The following ST6GAL1 variants were observed in gnomAD, a reference collection of about 807,000 sequenced individuals.
ST6GAL1 encodes the protein ST6 beta-galactoside alpha-2,6-sialyltransferase 1.
ST6GAL1 carries 20 observed loss-of-function variants against 38.0 expected under a neutral mutation model. That is an observed-to-expected ratio of 0.53 (90% confidence interval 0.37 to 0.77). The LOEUF (loss-of-function observed/expected upper bound fraction) is 0.77. ST6GAL1 is among the 30% of genes least tolerant of loss of function. ST6GAL1 has a pLI of 0.00. For missense variants in ST6GAL1, 432 were observed against 496.4 expected, an observed-to-expected ratio of 0.87 and a Z score of 1.23; for synonymous variants, 196 against 188.2, an observed-to-expected ratio of 1.04 and a Z score of -0.34.
intron 1 of ST6GAL1, among the ~76,000 whole-genome samples, chr3:186,934,467 CAGG>C (rs1713868902): frequency 6.6e-6 from 1 of 152,080 alleles, no homozygotes; most frequent in Non-Finnish European, 1.5e-5. Context: ...GAGGCTGAGA[CAGG>C]AGAATCGCTG....
chr3:187,077,498 A>C lies in ST6GAL1; in HGVS notation c.*1695A>C, dbSNP rs1231584249. On this transcript the variant is annotated 3_prime_UTR_variant, in exon 8 of 8. Coordinates refer to ENST00000169298, the MANE Select transcript of ST6GAL1 (RefSeq NM_173216.2). ...TCATTTACTGCCAAACCCTCAGCTT[A>C]TGTAGCTAGAAAGGGCCCTGGAGTG... 6.6e-6 allele frequency: 1 copy of C among 152,498 alleles called. No individual in the cohort carries two copies. Among genetic ancestry groups the C allele is most frequent in the Non-Finnish European group, 1.5e-5 (1 of 68,270 alleles). The allele number at this position is 152,498 out of a possible 1,614,324, so 9.4% of individuals were successfully genotyped here. A position where few individuals can be genotyped will look rare whatever the true frequency, so the allele number is the denominator to read the frequency against.
chr3:187,033,273 G>A (rs1206303274), intron 2 of ST6GAL1, among the ~76,000 whole-genome samples: 1 of 152,158 alleles, frequency 6.6e-6, no homozygotes, highest in African/African-American at 2.4e-5. Context: ...TTAGCTGGGC[G>A]TGGTGGCCGG....
intron 2 of ST6GAL1, among the ~76,000 whole-genome samples, chr3:187,011,224 A>C (rs4686833): frequency 0.74 from 111,514 of 151,606 alleles, 41,439 homozygotes; most frequent in South Asian, 0.84. Context: ...GTCTCGAACT[A>C]CTGACCTCAA....
intron 5 of ST6GAL1, among the ~76,000 whole-genome samples, chr3:187,052,274 A>G (rs115171843): frequency 5.5e-4 from 83 of 152,192 alleles, no homozygotes; most frequent in African/African-American, 1.9e-3. Context: ...CCCACTTTCT[A>G]TTTGAAGCCC....
intron 2 of ST6GAL1, among the ~76,000 whole-genome samples, chr3:187,005,233 G>A (rs538960046): frequency 3.6e-4 from 54 of 149,686 alleles, no homozygotes; most frequent in African/African-American, 1.3e-3. Context: ...GGTCTGTGGG[G>A]TTCATTATCT....
chr3:186,935,082 T>G (rs1252059873), intron 1 of ST6GAL1, among the ~76,000 whole-genome samples: 1 of 152,170 alleles, frequency 6.6e-6, no homozygotes, highest in South Asian at 2.1e-4. Flanking sequence ...GGGGGTTTGG[T>G]GTACAGAGTA....
chr3:187,016,824 T>C (rs1717131362), intron 2 of ST6GAL1, among the ~76,000 whole-genome samples: 1 of 152,146 alleles, frequency 6.6e-6, no homozygotes, highest in African/African-American at 2.4e-5. Context: ...GCCCAAGAGA[T>C]TGAGCTGCAG....
chr3:187,022,478 G>C (rs2108566083), intron 2 of ST6GAL1, among the ~76,000 whole-genome samples: 1 of 152,268 alleles, frequency 6.6e-6, no homozygotes, highest in African/African-American at 2.4e-5. Context: ...GAAGTCAGTA[G>C]GAAGGAATGC....
chr3:187,050,464 G>T (rs1356164563), intron 4 of ST6GAL1, among the ~76,000 whole-genome samples: 2 of 151,506 alleles, frequency 1.3e-5, no homozygotes, highest in Non-Finnish European at 2.9e-5. Context: ...GAAGCTTTTA[G>T]GTTTTTCAAG....
Position 187,043,075 on chromosome 3 carries a change from G to C in ST6GAL1, c.372G>C (p.Val124=). 1.2e-6 allele frequency: 2 copies of C among 1,614,212 alleles called. No individual in the cohort carries two copies. Among genetic ancestry groups the C allele is most frequent in the South Asian group, 2.2e-5 (2 of 91,088 alleles). ...KNYLSMNKYK[V]SYKGPGPGIK... is the part of the protein sequence containing the mutation. ...ACCTAAGCATGAACAAGTACAAAGT[G>C]TCCTACAAGGGGCCAGGACCAGGCA... Residue 124 remains valine, a synonymous_variant, in exon 4 of 8, where the codon GTG becomes GTC. Transcript: ENST00000169298.
intron 5 of ST6GAL1, among the ~76,000 whole-genome samples, chr3:187,068,341 CAAAA>C (rs112868643): frequency 1.0e-4 from 9 of 87,806 alleles, no homozygotes; most frequent in African/African-American, 6.6e-5. Context: ...GACTCCATCT[CAAAA>C]AAAAAAAAAA....
intron 2 of ST6GAL1, among the ~76,000 whole-genome samples, chr3:187,013,362 G>A (rs1000091986): frequency 6.6e-6 from 1 of 152,268 alleles, no homozygotes; most frequent in South Asian, 2.1e-4. Context: ...TGAGGAAACA[G>A]AGACTCAGAG....
At chr3:187,070,973 A>G (rs1719349684) in intron 5 of ST6GAL1, among the ~76,000 whole-genome samples, 1 of 152,348 alleles carries the variant, frequency 6.6e-6, no homozygotes, top group East Asian at 1.9e-4. Context: ...TCAGGCTTCC[A>G]GGAACTTCCT....
At chr3:187,074,408 C>G (rs2108606302) in intron 7 of ST6GAL1, 75 bp downstream of exon 7, 1 of 1,425,490 alleles carries the variant, frequency 7.0e-7, no homozygotes, top group Non-Finnish European at 9.3e-7. Flanking sequence ...GGGTCTCATT[C>G]AGTCATTCGT....
chr3:186,938,668 A>G (rs1028175353), intron 1 of ST6GAL1, among the ~76,000 whole-genome samples: 4 of 152,232 alleles, frequency 2.6e-5, no homozygotes, highest in Non-Finnish European at 4.4e-5. Flanking sequence ...GATCGTTCAC[A>G]TGATGCATAA....
chr3:186,962,047 C>G (rs1278048814), intron 1 of ST6GAL1, among the ~76,000 whole-genome samples: 1 of 152,206 alleles, frequency 6.6e-6, no homozygotes, highest in East Asian at 1.9e-4. Flanking sequence ...GCATTAATTA[C>G]AAACAGCAGC....
chr3:186,949,429 C>T (rs1714501818), intron 1 of ST6GAL1, among the ~76,000 whole-genome samples: 2 of 152,160 alleles, frequency 1.3e-5, no homozygotes, highest in Non-Finnish European at 2.9e-5. Flanking sequence ...GGAATGAATC[C>T]CCAGAAGATG....
At chr3:186,955,226 T>G (rs1714708210) in intron 1 of ST6GAL1, among the ~76,000 whole-genome samples, 1 of 152,242 alleles carries the variant, frequency 6.6e-6, no homozygotes, top group Non-Finnish European at 1.5e-5. Context: ...CTGTTTTGGT[T>G]ACTGTAGCGT....
At chr3:187,034,745 GCA>G (rs932989000) in intron 2 of ST6GAL1, among the ~76,000 whole-genome samples, 8 of 152,010 alleles carry the variant, frequency 5.3e-5, no homozygotes, top group African/African-American at 1.9e-4. Flanking sequence ...GGCATCAAAG[GCA>G]CATACCTCAA....
Sources: gnomAD v4.1 joint callset for allele counts (sites outside exome capture counted in the v4.1 genomes callset) on GRCh38, gnomAD v4.1.1 for gene constraint, MANE v1.5 for transcripts, NCBI Gene and HGNC (gene_info 2026-07-23, HGNC 2026-07-21) for gene names.